Variants in SLC16A7 observed in about 807,000 individuals in gnomAD.
SLC16A7 encodes monocarboxylate transporter 2.
A neutral mutation model predicts 34.9 loss-of-function variants in SLC16A7; 33 were observed. That is an observed-to-expected ratio of 0.94 (90% CI 0.72 to 1.26). SLC16A7 has a LOEUF of 1.26. Ranked by LOEUF, SLC16A7 falls within the 50% of genes most tolerant of loss-of-function variation. SLC16A7 has a pLI of 0.00. For missense variants in SLC16A7, 573 were observed against 578.1 expected, an observed-to-expected ratio of 0.99 and a Z score of 0.09; for synonymous variants, 201 against 206.6, an observed-to-expected ratio of 0.97 and a Z score of 0.23.
At chr12:59,625,422 A>G (rs533627580) in intron 1 of SLC16A7, among the ~76,000 whole-genome samples, 2 of 151,994 alleles carry the variant, frequency 1.3e-5, no homozygotes, top group Non-Finnish European at 2.9e-5. Flanking sequence ...ATTTAAGAAT[A>G]GTATATATTA....
rs1878396633 is a variant in SLC16A7, at chr12:59,596,401, C to G, written c.-130+165C>G. Among the ~76,000 whole-genome samples the G allele has an allele frequency of 1.3e-5, 2 of 152,018 alleles. No homozygotes were observed. Among genetic ancestry groups the G allele is most frequent in the South Asian group, 2.1e-4 (1 of 4,822 alleles). ...AACGTGCCAACGCAGAGTTGGCCAGCGAGCCCTTATATAGACAAAAAAATC... is the reference window on the plus strand; with the variant it reads ...AACGTGCCAACGCAGAGTTGGCCAGGGAGCCCTTATATAGACAAAAAAATC... On this transcript the variant is annotated intron_variant, in intron 1 of 5. Coordinates refer to ENST00000547379, the MANE Select transcript of SLC16A7 (RefSeq NM_001270623.2). This position sits in a 1 kb window ranked among gnomAD's most constrained non-coding sequence, Gnocchi z 5.0.
intron 2 of SLC16A7, among the ~76,000 whole-genome samples, chr12:59,697,946 A>G (rs1426699600): frequency 6.6e-6 from 1 of 151,812 alleles, no homozygotes; most frequent in East Asian, 1.9e-4. Flanking sequence ...TAATAACTAT[A>G]CTGAGAACTT....
chr12:59,675,916 GAT>G (rs143600006), intron 2 of SLC16A7, among the ~76,000 whole-genome samples: 38 of 147,518 alleles, frequency 2.6e-4, no homozygotes, highest in South Asian at 8.6e-4. Flanking sequence ...AAATTCCCCA[GAT>G]ATATATATAT....
At chr12:59,746,820 T>C (rs1159061624) in intron 3 of SLC16A7, among the ~76,000 whole-genome samples, 5 of 152,218 alleles carry the variant, frequency 3.3e-5, no homozygotes, top group Admixed American at 3.3e-4. Flanking sequence ...TGTGTTTTTT[T>C]ACTGTTGTTT....
intron 2 of SLC16A7, among the ~76,000 whole-genome samples, chr12:59,690,077 C>T (rs978875659): frequency 6.6e-6 from 1 of 151,788 alleles, no homozygotes; most frequent in Non-Finnish European, 1.5e-5. Flanking sequence ...AGGAGAAAAA[C>T]AAAAACAAAA....
intron 3 of SLC16A7, among the ~76,000 whole-genome samples, chr12:59,737,166 A>T (rs898364512): frequency 2.0e-5 from 3 of 152,234 alleles, no homozygotes; most frequent in Admixed American, 6.5e-5. Flanking sequence ...TAGGGTCAGC[A>T]TCAAACAGGA....
intron 2 of SLC16A7, among the ~76,000 whole-genome samples, chr12:59,677,687 A>G (rs553565566): frequency 9.2e-5 from 14 of 152,320 alleles, no homozygotes; most frequent in East Asian, 5.8e-4. Context: ...TTCTGTCTTC[A>G]ACTGTCTTCT....
intron 3 of SLC16A7, among the ~76,000 whole-genome samples, chr12:59,705,308 A>G (rs1873438946): frequency 6.6e-6 from 1 of 152,302 alleles, no homozygotes; most frequent in East Asian, 1.9e-4. Flanking sequence ...TACTTCATTT[A>G]GTTTGAAATA....
At chr12:59,624,778 C>A (rs1322024638) in intron 1 of SLC16A7, among the ~76,000 whole-genome samples, 1 of 148,366 alleles carries the variant, frequency 6.7e-6, no homozygotes, top group Non-Finnish European at 1.5e-5. Flanking sequence ...GTGTGTCTAT[C>A]TATATGTGTG....
intron 3 of SLC16A7, among the ~76,000 whole-genome samples, chr12:59,761,728 C>T (rs1405429236): frequency 1.3e-5 from 2 of 151,978 alleles, no homozygotes; most frequent in East Asian, 3.9e-4. Flanking sequence ...ATGGCTGAGG[C>T]CCAGGCATAA....
At chr12:59,638,483 A>G (rs1216454037) in intron 1 of SLC16A7, among the ~76,000 whole-genome samples, 1 of 152,146 alleles carries the variant, frequency 6.6e-6, no homozygotes, top group East Asian at 1.9e-4. Flanking sequence ...CAATTCACTC[A>G]GTTCATTAGT....
intron 1 of SLC16A7, among the ~76,000 whole-genome samples, chr12:59,647,944 T>C (rs1405796394): frequency 6.6e-6 from 1 of 151,974 alleles, no homozygotes; most frequent in Non-Finnish European, 1.5e-5. Flanking sequence ...TCCCTGCTAT[T>C]TGGGAGGCTG....
chr12:59,775,417 C>T lies in SLC16A7; in HGVS notation c.1122C>T (p.Ala374=), dbSNP rs755922002. ...DLVGAPRFSS[A]VGLVTIVECG... ...TGGGTGCACCAAGATTTTCCAGTGC[C>T]GTCGGACTTGTCACAATTGTGGAGT... Residue 374 remains alanine, a synonymous_variant, in exon 5 of 6, where the codon GCC becomes GCT. Transcript: ENST00000547379. The T allele has an allele frequency of 2.5e-6, 4 of 1,613,908 alleles. No homozygotes were observed. The highest frequency in any genetic ancestry group is 3.3e-5 in the Admixed American group (2 of 59,994).
At position 59,785,087 on chromosome 12, in the gene SLC16A7, A is replaced by G. The variant is rs1280899260; in HGVS notation, c.*5408A>G. On this transcript the variant is annotated 3_prime_UTR_variant, in exon 6 of 6. Coordinates refer to ENST00000547379, the MANE Select transcript of SLC16A7 (RefSeq NM_001270623.2). The stretch of plus-strand genomic sequence containing the variant: ...TTCTGCACAACCATATGCAGAACTC[A>G]TGTTTGAGAAGGCACTTAAAAGCTG... The G allele has an allele frequency of 6.6e-6, 1 of 152,196 alleles. No homozygotes were observed. The highest frequency in any genetic ancestry group is 6.5e-5 in the Admixed American group (1 of 15,274). 9.4% of individuals were successfully genotyped at this position (152,196 alleles called of 1,614,324 possible).
At chr12:59,755,713 A>G (rs1396038687) in intron 3 of SLC16A7, among the ~76,000 whole-genome samples, 1 of 152,166 alleles carries the variant, frequency 6.6e-6, no homozygotes, top group Non-Finnish European at 1.5e-5. Context: ...TGCCATCCCC[A>G]TCAAGCTACC....
intron 1 of SLC16A7, among the ~76,000 whole-genome samples, chr12:59,654,153 T>C (rs1274342933): frequency 6.6e-6 from 1 of 151,240 alleles, no homozygotes; most frequent in Non-Finnish European, 1.5e-5. Context: ...AGTTATAACA[T>C]AGGGTTAGTG....
At position 59,775,752 on chromosome 12, in the gene SLC16A7, G is replaced by A. The variant is rs1312757976; in HGVS notation, c.1180+277G>A. ...TTCAGGATTTTTATCTACTTCAGTT[G>A]TTTTGGTCTCTTAAAAATATATCAG... On this transcript the variant is annotated intron_variant, in intron 5 of 5. Transcript: ENST00000547379. Among the ~76,000 whole-genome samples, 10 of 152,070 alleles carry A rather than the reference G, an allele frequency of 6.6e-5. No homozygotes were observed. In the South Asian group the frequency reaches 1.2e-3, roughly 19 times the overall value.
intron 2 of SLC16A7, among the ~76,000 whole-genome samples, chr12:59,673,194 A>G (rs1158401703): frequency 1.3e-5 from 2 of 152,206 alleles, no homozygotes; most frequent in Admixed American, 6.6e-5. Flanking sequence ...ATTTCCACGT[A>G]TAATGAAGCT....
intron 3 of SLC16A7, among the ~76,000 whole-genome samples, chr12:59,747,409 T>C (rs1879012044): frequency 6.6e-6 from 1 of 152,210 alleles, no homozygotes; most frequent in Admixed American, 6.5e-5. Context: ...ATTAAGGGTT[T>C]CAAATTAAAA....
Sources: gnomAD v4.1 joint callset for allele counts (sites outside exome capture counted in the v4.1 genomes callset) on GRCh38, gnomAD v4.1.1 for gene constraint, Gnocchi (gnomAD v3.1) non-coding constraint, MANE v1.5 for transcripts, NCBI Gene and HGNC (gene_info 2026-07-23, HGNC 2026-07-21) for gene names.